The following WTIP variants were observed in gnomAD, a reference collection of about 807,000 sequenced individuals.
WTIP encodes WT1 interacting protein.
WTIP carries 23 observed loss-of-function variants against 41.7 expected under a neutral mutation model. The ratio of observed to expected loss-of-function variants is 0.55; its 90% CI spans 0.40 to 0.78. The LOEUF (loss-of-function observed/expected upper bound fraction) is 0.78. WTIP is among the 30% of genes least tolerant of loss of function. WTIP has a pLI of 0.00. For synonymous variants in WTIP, 314 were observed against 269.9 expected, an observed-to-expected ratio of 1.16 and a Z score of -1.60; for missense variants, 619 against 610.5, an observed-to-expected ratio of 1.01 and a Z score of -0.15.
chr19:34,483,789 C>T (rs879646559), intron 1 of WTIP, among the ~76,000 whole-genome samples: 5 of 152,132 alleles, frequency 3.3e-5, no homozygotes, highest in Non-Finnish European at 7.3e-5. Context: ...CTTCCCAACC[C>T]GCCTTCTGTA....
chr19:34,482,429 C>A lies in WTIP; in HGVS notation c.455C>A (p.Ser152Ter). ...SSVSSLGSRGSAGAYADFLPP... is the reference protein window; with the variant it reads ...SSVSSLGSRG ...GTTTCCAGCCTCGGCTCCCGGGGCT[C>A]GGCCGGCGCCTACGCTGACTTCCTC... The change falls in exon 1 of 8, where the codon TCG becomes TAG. Residue 152 changes from serine to a stop codon, truncating the protein, a stop_gained. Coordinates refer to ENST00000590071, the MANE Select transcript of WTIP (RefSeq NM_001080436.2). LOFTEE classifies it high-confidence loss of function. 7.4e-7 allele frequency: 1 copy of A among 1,342,488 alleles called. No individual in the cohort carries two copies. The highest frequency in any genetic ancestry group is 3.4e-5 in the Admixed American group (1 of 29,594). The allele number at this position is 1,342,488 out of a possible 1,614,324, so 83.2% of individuals were successfully genotyped here. A position where few individuals can be genotyped will look rare whatever the true frequency, so the allele number is the denominator to read the frequency against.
intron 7 of WTIP, among the ~76,000 whole-genome samples, chr19:34,497,260 A>C (rs1359912084): frequency 6.6e-6 from 1 of 152,168 alleles, no homozygotes; most frequent in Non-Finnish European, 1.5e-5. Context: ...CAGCTGGAGC[A>C]GTCTCCAGGC....
intron 2 of WTIP, 100 bp downstream of exon 2, chr19:34,490,577 C>T (rs1944393005): frequency 1.6e-6 from 2 of 1,248,938 alleles, no homozygotes; most frequent in South Asian, 1.3e-5. Context: ...GCAGATGGAC[C>T]ACCTGGCTCT....
rs186901440 is a variant in WTIP, at chr19:34,504,800, C to T, written c.*4531C>T. ...TCGTGAGCAGAGGCCGAGAGAAGGC[C>T]CTTCCCCATCACGGGGTCCTGTCTC... On this transcript the variant is annotated 3_prime_UTR_variant, in exon 8 of 8. Coordinates refer to ENST00000590071, the MANE Select transcript of WTIP (RefSeq NM_001080436.2). The T allele has an allele frequency of 2.0e-5, 3 of 152,382 alleles. No individual in the cohort carries two copies. The highest frequency in any genetic ancestry group is 2.0e-4 in the Admixed American group (3 of 15,300). 9.4% of individuals were successfully genotyped at this position (152,382 alleles called of 1,614,324 possible).
intron 1 of WTIP, among the ~76,000 whole-genome samples, chr19:34,486,712 C>T (rs908498778): frequency 6.6e-6 from 1 of 152,026 alleles, no homozygotes; most frequent in African/African-American, 2.4e-5. Flanking sequence ...CTTCCTCCCT[C>T]CTGGGACCCC....
In WTIP at chr19:34,510,249, C is replaced by T. The variant is rs1261946982; in HGVS notation, c.*9980C>T. On this transcript the variant is annotated 3_prime_UTR_variant, in exon 8 of 8. Coordinates refer to ENST00000590071, the MANE Select transcript of WTIP (RefSeq NM_001080436.2). Reference sequence around the variant, plus strand: ...GCCTGGGCATCCAGGCATTTTCATACATCTTCTGAAATCTAGATGGAGGTT... The same window carrying T: ...GCCTGGGCATCCAGGCATTTTCATATATCTTCTGAAATCTAGATGGAGGTT... 1 of 152,244 alleles carries T rather than the reference C, an allele frequency of 6.6e-6. No homozygotes were observed. The highest frequency in any genetic ancestry group is 1.5e-5 in the Non-Finnish European group (1 of 68,050). 9.4% of individuals were successfully genotyped at this position (152,244 alleles called of 1,614,324 possible). A position where few individuals can be genotyped will look rare whatever the true frequency, so the allele number is the denominator to read the frequency against.
At chr19:34,495,608 C>G (rs774191195) in intron 6 of WTIP, 95 bp from the exon 7 acceptor site, 6 of 1,445,696 alleles carry the variant, frequency 4.2e-6, no homozygotes, top group Non-Finnish European at 4.8e-6. Context: ...GCACCTCCGC[C>G]GGGACAGGAG....
At position 34,505,224 on chromosome 19, in the gene WTIP, AG is replaced by A. The variant is rs2075906313; in HGVS notation, c.*4957del. 1 of 152,182 alleles carries A rather than the reference AG, an allele frequency of 6.6e-6. No homozygotes were observed. The highest frequency in any genetic ancestry group is 2.4e-5 in the African/African-American group (1 of 41,402). The allele number at this position is 152,182 out of a possible 1,614,324, so 9.4% of individuals were successfully genotyped here. A position where few individuals can be genotyped will look rare whatever the true frequency, so the allele number is the denominator to read the frequency against. On this transcript the variant is annotated 3_prime_UTR_variant, in exon 8 of 8. Coordinates refer to ENST00000590071, the MANE Select transcript of WTIP (RefSeq NM_001080436.2). ...GAAGGAGCTCACCTATCTCAGGCCC[AG>A]GCCCTTGCCAGGTTCCTAGTCCCTG...
Position 34,482,306 on chromosome 19 carries a change from G to A in WTIP, c.332G>A (p.Ser111Asn). The part of the protein sequence containing the change: ...GGGSARSSGI[S>N]LGYDQRHGSP... ...GGCAGCGCCCGATCCAGCGGCATCA[G>A]CCTGGGCTACGACCAGCGCCACGGC... The change falls in exon 1 of 8, where the codon AGC becomes AAC. Residue 111 changes from serine (S) to asparagine (N), a missense_variant. This residue lies in a region of WTIP where 363 missense variants were observed against 309.0 expected (regional missense o/e 1.17). Transcript: ENST00000590071. 7.3e-7 allele frequency: 1 copy of A among 1,375,474 alleles called. No homozygotes were observed. The highest frequency in any genetic ancestry group is 9.5e-7 in the Non-Finnish European group (1 of 1,057,248). 85.2% of individuals were successfully genotyped at this position (1,375,474 alleles called of 1,614,324 possible).
At chr19:34,490,985 G>A (rs1220188255) in intron 2 of WTIP, among the ~76,000 whole-genome samples, 2 of 151,142 alleles carry the variant, frequency 1.3e-5, no homozygotes, top group South Asian at 2.1e-4. Flanking sequence ...CACCACGCTC[G>A]GCTAATTTTT....
At chr19:34,484,252 T>A (rs1300679719) in intron 1 of WTIP, among the ~76,000 whole-genome samples, 1 of 150,968 alleles carries the variant, frequency 6.6e-6, no homozygotes, top group Non-Finnish European at 1.5e-5. Flanking sequence ...GGGTGAGGAG[T>A]CTGTCAGTGA....
intron 1 of WTIP, among the ~76,000 whole-genome samples, chr19:34,486,022 C>G (rs1009387185): frequency 6.6e-6 from 1 of 152,180 alleles, no homozygotes; most frequent in Admixed American, 6.6e-5. Flanking sequence ...TCCCCAAGTT[C>G]CGCTGCCATT....
chr19:34,484,967 C>T (rs528738946), intron 1 of WTIP, among the ~76,000 whole-genome samples: 13 of 147,420 alleles, frequency 8.8e-5, no homozygotes, highest in Non-Finnish European at 1.8e-4. Context: ...CTGCTCAGAT[C>T]GGGCTGTTGT....
chr19:34,502,310 C>T lies in WTIP; in HGVS notation c.*2041C>T, dbSNP rs1244316303. On this transcript the variant is annotated 3_prime_UTR_variant, in exon 8 of 8. Coordinates refer to ENST00000590071, the MANE Select transcript of WTIP (RefSeq NM_001080436.2). ...TCGTTCTGTCGCCCAGGCTGGAGTG[C>T]GTTGGCACAATCTGGGCCTACTGCA... 2.1e-5 allele frequency: 3 copies of T among 145,016 alleles called. No homozygotes were observed. Among genetic ancestry groups the T allele is most frequent in the Non-Finnish European group, 3.0e-5 (2 of 67,314 alleles). 9.0% of individuals were successfully genotyped at this position (145,016 alleles called of 1,614,324 possible).
chr19:34,482,651 C>T lies in WTIP; in HGVS notation c.667+10C>T, dbSNP rs1351326284. The T allele has an allele frequency of 1.2e-5, 15 of 1,227,252 alleles. No individual in the cohort carries two copies. Among genetic ancestry groups the T allele is most frequent in the African/African-American group, 1.6e-5 (1 of 64,104 alleles). The allele number at this position is 1,227,252 out of a possible 1,614,324, so 76.0% of individuals were successfully genotyped here. A position where few individuals can be genotyped will look rare whatever the true frequency, so the allele number is the denominator to read the frequency against. On this transcript the variant is annotated intron_variant, in intron 1 of 7. Coordinates refer to ENST00000590071, the MANE Select transcript of WTIP (RefSeq NM_001080436.2). ...GCGCGGGACTACTTCGGTGAGCTCG[C>T]TCGGCCCGGCAGTTCCCTGCGCGCA...
chr19:34,493,778 C>T lies in WTIP; in HGVS notation c.1031+156C>T, dbSNP rs563329128. Among the ~76,000 whole-genome samples the T allele has an allele frequency of 7.5e-4, 114 of 152,242 alleles. No homozygotes were observed. Among genetic ancestry groups the T allele is most frequent in the Non-Finnish European group, 1.3e-3 (90 of 68,006 alleles). On this transcript the variant is annotated intron_variant, in intron 5 of 7. Transcript: ENST00000590071. This position sits in a 1 kb window ranked among gnomAD's most constrained non-coding sequence, Gnocchi z 4.1. ...CTGGGCTTGGGGCAGGCATGTGTCT[C>T]TGCCTGCATCCCCTCTCCTGGTGGT...
chr19:34,501,714 A>G lies in WTIP; in HGVS notation c.*1445A>G, dbSNP rs1380766753. ...GGAAGTGGCGGCTTCGGAGTCCAGC[A>G]GGGCCGAGGCATGGCGCGGGCGCCA... On this transcript the variant is annotated 3_prime_UTR_variant, in exon 8 of 8. Transcript: ENST00000590071. 1 of 152,506 alleles carries G rather than the reference A, an allele frequency of 6.6e-6. No homozygotes were observed. Among genetic ancestry groups the G allele is most frequent in the East Asian group, 1.9e-4 (1 of 5,188 alleles). The allele number at this position is 152,506 out of a possible 1,614,324, so 9.4% of individuals were successfully genotyped here.
At chr19:34,483,183 CTTTTTTT>C (rs10611262) in intron 1 of WTIP, among the ~76,000 whole-genome samples, 16 of 102,590 alleles carry the variant, frequency 1.6e-4, no homozygotes, top group East Asian at 8.7e-4. Flanking sequence ...CTTCTTCTTA[CTTTTTTT>C]TTTTTTTTTT....
At chr19:34,492,539 A>G (rs1159816967) in intron 2 of WTIP, among the ~76,000 whole-genome samples, 1 of 151,592 alleles carries the variant, frequency 6.6e-6, no homozygotes, top group East Asian at 1.9e-4. Context: ...CATCTCTACT[A>G]AAAATACAAA....
Sources: gnomAD v4.1 joint callset for allele counts (sites outside exome capture counted in the v4.1 genomes callset) on GRCh38, gnomAD v4.1.1 for gene constraint, gnomAD v4.1.1 regional missense constraint, Gnocchi (gnomAD v3.1) non-coding constraint, MANE v1.5 for transcripts, NCBI Gene and HGNC (gene_info 2026-07-23, HGNC 2026-07-21) for gene names.